CD302: variants seen among roughly 807,000 people sequenced by gnomAD.
CD302 encodes CD302 antigen.
A neutral mutation model predicts 26.5 loss-of-function variants in CD302; 23 were observed. That is an observed-to-expected ratio of 0.87 (90% CI 0.62 to 1.23). CD302 has a LOEUF of 1.23. CD302 is among the 50% of genes most tolerant of loss of function. The pLI, the probability that CD302 is intolerant of heterozygous loss-of-function variation, is 0.00. For synonymous variants in CD302, 90 were observed against 99.4 expected (o/e 0.91, Z 0.56); for missense variants, 290 against 275.5 (o/e 1.05, Z -0.37).
rs1442763417 is a variant in CD302 at position 159,780,975 on chromosome 2, T to C, written c.202A>G (p.Asn68Asp). Residue 68 changes from asparagine (N) to aspartate (D), a missense_variant, in exon 3 of 6, where the codon AAT becomes GAT. Asn to Asp is a conservative substitution (Grantham distance 23). Transcript: ENST00000259053. ...AGTATAAAAGCATTTTCTTCTTCAT[T>C]ATGTATGCTTATCATGTCCGCTCCT... is the stretch of plus-strand genomic sequence containing the variant. ...DHGADMISIHNEEENAFILDT... is the reference protein window; with the variant it reads ...DHGADMISIHDEEENAFILDT... The C allele has an allele frequency of 1.2e-6, 2 of 1,612,526 alleles. No individual in the cohort carries two copies. Among genetic ancestry groups the C allele is most frequent in the Admixed American group, 1.7e-5 (1 of 59,616 alleles).
Position 159,768,910 on chromosome 2 carries a change from T to C in CD302, c.*2941A>G, listed in dbSNP as rs1395816889. The C allele has an allele frequency of 6.6e-6, 1 of 152,204 alleles. No individual in the cohort carries two copies. Among genetic ancestry groups the C allele is most frequent in the East Asian group, 1.9e-4 (1 of 5,200 alleles). The allele number at this position is 152,204 out of a possible 1,614,324, so 9.4% of individuals were successfully genotyped here. On this transcript the variant is annotated 3_prime_UTR_variant, in exon 6 of 6. Coordinates refer to ENST00000259053, the MANE Select transcript of CD302 (RefSeq NM_014880.5). ...TTAACTAGATGGTACAAAACATTCA[T>C]TGGTATGCACATAATTCTGTATAGT...
intron 1 of CD302, among the ~76,000 whole-genome samples, chr2:159,797,049 C>A (rs1403306942): frequency 6.6e-6 from 1 of 152,150 alleles, no homozygotes; most frequent in Non-Finnish European, 1.5e-5. Context: ...CAGCAGATGT[C>A]ACAACCAGTC....
At chr2:159,796,185 A>G (rs894162533) in intron 1 of CD302, among the ~76,000 whole-genome samples, 2 of 152,238 alleles carry the variant, frequency 1.3e-5, no homozygotes, top group South Asian at 4.1e-4. Flanking sequence ...GAGCTTTTCT[A>G]TTAAGATCTT....
At chr2:159,778,311 T>TA (rs1296586419) in intron 4 of CD302, among the ~76,000 whole-genome samples, 2 of 152,204 alleles carry the variant, frequency 1.3e-5, no homozygotes, top group African/African-American at 4.8e-5. Context: ...ACTGTGACCC[T>TA]AACTACCTTA....
Position 159,770,259 on chromosome 2 carries a change from A to G in CD302, c.*1592T>C, listed in dbSNP as rs780561824. 6.6e-6 allele frequency: 1 copy of G among 152,208 alleles called. No individual in the cohort carries two copies. Among genetic ancestry groups the G allele is most frequent in the Non-Finnish European group, 1.5e-5 (1 of 68,036 alleles). The allele number at this position is 152,208 out of a possible 1,614,324, so 9.4% of individuals were successfully genotyped here. On this transcript the variant is annotated 3_prime_UTR_variant, in exon 6 of 6. Coordinates refer to ENST00000259053, the MANE Select transcript of CD302 (RefSeq NM_014880.5). ...CAATAATAAAATAGACATCTCAATC[A>G]CTATACAAAATCTCAGAAATGTAAA...
At position 159,770,065 on chromosome 2, in the gene CD302, C is replaced by T. The variant is rs1708086120; in HGVS notation, c.*1786G>A. 6.6e-6 allele frequency: 1 copy of T among 152,174 alleles called. No individual in the cohort carries two copies. The allele number at this position is 152,174 out of a possible 1,614,324, so 9.4% of individuals were successfully genotyped here. ...AGTTGGACTTAATCACTTTCCTACC[C>T]AAATTCTACCACTCCTTTAAGAACT... On this transcript the variant is annotated 3_prime_UTR_variant, in exon 6 of 6. Transcript: ENST00000259053.
chr2:159,778,210 C>A (rs10460300), intron 4 of CD302, among the ~76,000 whole-genome samples: 1 of 151,724 alleles, frequency 6.6e-6, no homozygotes, highest in African/African-American at 2.4e-5. Flanking sequence ...GAAAAGAATA[C>A]GGGATCTTGA....
At chr2:159,793,431 A>T (rs1022138447) in intron 1 of CD302, among the ~76,000 whole-genome samples, 3 of 151,226 alleles carry the variant, frequency 2.0e-5, no homozygotes, top group East Asian at 1.9e-4. Flanking sequence ...TCTTTTTTTT[A>T]AAAAAAGAAA....
At position 159,798,202 on chromosome 2, in the gene CD302, G is replaced by GGCGGGTGCGGGTGGGCGGCA; in HGVS notation, c.-5_-4insTGCCGCCCACCCGCACCCGC. ...CGGGCAGCGCGGCCCGGAGCATGAC[G>GGCGGGTGCGGGTGGGCGGCA]GCGGGTGCGGGTGGGCGGCAGCGGC... On this transcript the variant is annotated 5_prime_UTR_variant, in exon 1 of 6. Coordinates refer to ENST00000259053, the MANE Select transcript of CD302 (RefSeq NM_014880.5). The GGCGGGTGCGGGTGGGCGGCA allele has an allele frequency of 7.0e-7, 1 of 1,433,784 alleles. No individual in the cohort carries two copies. The highest frequency in any genetic ancestry group is 2.3e-4 in the Middle Eastern group (1 of 4,442). The allele number at this position is 1,433,784 out of a possible 1,614,324, so 88.8% of individuals were successfully genotyped here.
chr2:159,796,872 C>T (rs140682526), intron 1 of CD302, among the ~76,000 whole-genome samples: 210 of 152,240 alleles, frequency 1.4e-3, no homozygotes, highest in Non-Finnish European at 2.6e-3. Context: ...AAATGCACAG[C>T]CTCGCAGAGG....
intron 5 of CD302, among the ~76,000 whole-genome samples, chr2:159,776,489 CAG>C (rs371273453): frequency 7.6e-4 from 116 of 152,264 alleles, no homozygotes; most frequent in African/African-American, 2.6e-3. Context: ...CTGTTTTTCA[CAG>C]AGGCTGCACC....
chr2:159,797,222 TG>T lies in CD302; in HGVS notation c.67+909del, dbSNP rs59874954. Among the ~76,000 whole-genome samples the T allele has an allele frequency of 2.7e-3, 281 of 104,470 alleles. 6 individuals carry two copies. Among genetic ancestry groups the T allele is most frequent in the Middle Eastern group, 0.025 (5 of 204 alleles). 68.5% of individuals were successfully genotyped at this position (104,470 alleles called of 152,430 possible). A position where few individuals can be genotyped will look rare whatever the true frequency, so the allele number is the denominator to read the frequency against. On this transcript the variant is annotated intron_variant, in intron 1 of 5. Transcript: ENST00000259053. ...ACGCAGTGAAATCTGGGGCAAGGGG[TG>T]GGGGGGGGGAATCTCTTGCATTTTA...
At chr2:159,782,137 G>A (rs1404683090) in intron 2 of CD302, among the ~76,000 whole-genome samples, 1 of 151,806 alleles carries the variant, frequency 6.6e-6, no homozygotes, top group South Asian at 2.1e-4. Context: ...GTGTGGTGAT[G>A]CACCCCTGTA....
intron 2 of CD302, among the ~76,000 whole-genome samples, 164 bp from the exon 3 acceptor site, chr2:159,781,162 ATGTCT>A (rs1445008158): frequency 1.3e-5 from 2 of 152,226 alleles, no homozygotes; most frequent in Non-Finnish European, 2.9e-5. Flanking sequence ...TTACAGGGAC[ATGTCT>A]TGGCTCTCAG....
At position 159,770,805 on chromosome 2, in the gene CD302, A is replaced by G. The variant is rs753942664; in HGVS notation, c.*1046T>C. The stretch of plus-strand genomic sequence containing the variant: ...TGTGTAAATACAAGCTGATTTTCAC[A>G]CAAGATTCCCTAACTATGCATTTCT... On this transcript the variant is annotated 3_prime_UTR_variant, in exon 6 of 6. Transcript: ENST00000259053. 1 of 152,210 alleles carries G rather than the reference A, an allele frequency of 6.6e-6. No homozygotes were observed. The highest frequency in any genetic ancestry group is 1.5e-5 in the Non-Finnish European group (1 of 68,020). The allele number at this position is 152,210 out of a possible 1,614,324, so 9.4% of individuals were successfully genotyped here.
chr2:159,788,457 C>A (rs531433610), intron 1 of CD302, among the ~76,000 whole-genome samples: 2 of 152,346 alleles, frequency 1.3e-5, no homozygotes, highest in South Asian at 4.1e-4. Flanking sequence ...GGCATACCAT[C>A]TAGGTTTGTG....
chr2:159,795,936 A>G (rs1319646045), intron 1 of CD302, among the ~76,000 whole-genome samples: 1 of 152,248 alleles, frequency 6.6e-6, no homozygotes, highest in East Asian at 1.9e-4. Context: ...AAATAAATAC[A>G]TACTGATCAT....
At chr2:159,779,306 C>T (rs1393772317) in intron 4 of CD302, among the ~76,000 whole-genome samples, 1 of 128,960 alleles carries the variant, frequency 7.8e-6, no homozygotes, top group East Asian at 2.5e-4. Context: ...AAATTATAAA[C>T]TATGATGTAG....
chr2:159,780,128 TCCA>T lies in CD302; in HGVS notation c.343_345del (p.Trp115del). The T allele has an allele frequency of 6.2e-7, 1 of 1,614,166 alleles. No homozygotes were observed. The highest frequency in any genetic ancestry group is 8.5e-7 in the Non-Finnish European group (1 of 1,180,012). Reference sequence around the variant, plus strand: ...AAATCCTCATCATCATCTTGGTCTGTCCACTTATCAAATGTCATATTTGAATTA... The same window carrying T: ...AAATCCTCATCATCATCTTGGTCTGTCTTATCAAATGTCATATTTGAATTA... On this transcript the variant is annotated inframe_deletion, in exon 4 of 6. Transcript: ENST00000259053.
Sources: gnomAD v4.1 joint callset for allele counts (sites outside exome capture counted in the v4.1 genomes callset) on GRCh38, gnomAD v4.1.1 for gene constraint, MANE v1.5 for transcripts, NCBI Gene and HGNC (gene_info 2026-07-23, HGNC 2026-07-21) for gene names.